Variants in NTRK3 observed in about 807,000 individuals in gnomAD.
NTRK3 encodes neurotrophic receptor tyrosine kinase 3.
In NTRK3, 24 loss-of-function variants were observed where a neutral mutation model predicts 91.7. That is an observed-to-expected ratio of 0.26 (90% CI 0.19 to 0.37). The LOEUF (loss-of-function observed/expected upper bound fraction) is 0.37. Among genes scored for constraint, NTRK3 ranks in the 10% least tolerant of loss-of-function variants. NTRK3 has a pLI of 1.00. For missense variants in NTRK3, 880 were observed against 1,068.9 expected (o/e 0.82, Z 2.46); for synonymous variants, 483 against 404.0 (o/e 1.20, Z -2.34).
chr15:87,939,528 C>T (rs2069610897), intron 15 of NTRK3, among the ~76,000 whole-genome samples: 1 of 152,152 alleles, frequency 6.6e-6, no homozygotes, highest in Admixed American at 6.6e-5. Context: ...CCTCTGTGGA[C>T]AGAAACAATC....
chr15:88,200,852 C>A (rs549617325), intron 3 of NTRK3, among the ~76,000 whole-genome samples: 69 of 152,310 alleles, frequency 4.5e-4, no homozygotes, highest in Non-Finnish European at 8.4e-4. Context: ...GGGTCTCTAT[C>A]ACAGGCTCTG....
At chr15:88,256,507 C>G in intron 1 of NTRK3, 21 bp from the exon 2 acceptor site, 4 of 473,368 alleles carry the variant, frequency 8.5e-6, no homozygotes, top group South Asian at 9.1e-5. Context: ...TTGCAACAGA[C>G]GGTGGGGAGG....
intron 13 of NTRK3, among the ~76,000 whole-genome samples, chr15:88,037,462 T>C (rs1474652603): frequency 6.6e-6 from 1 of 152,104 alleles, no homozygotes; most frequent in Non-Finnish European, 1.5e-5. Flanking sequence ...CTAGAGAGGC[T>C]GAGGCAGGAG....
chr15:88,010,098 T>C (rs987075312), intron 14 of NTRK3, among the ~76,000 whole-genome samples: 26 of 152,180 alleles, frequency 1.7e-4, no homozygotes, highest in Non-Finnish European at 3.4e-4. Context: ...CTGGCCTGTT[T>C]TGGCATGACC....
intron 14 of NTRK3, among the ~76,000 whole-genome samples, chr15:87,986,917 TGA>T (rs1276767795): frequency 1.3e-5 from 2 of 152,210 alleles, no homozygotes; most frequent in Admixed American, 6.5e-5. Flanking sequence ...CATAAACAAA[TGA>T]GAGTGTTCCA....
At chr15:87,928,074 G>C (rs966239324) in intron 17 of NTRK3, 1 of 152,232 alleles carries the variant, frequency 6.6e-6, no homozygotes, top group Non-Finnish European at 1.5e-5. Context: ...CCACCTCCCA[G>C]GTTCAAGAAA....
chr15:87,907,456 T>C lies in NTRK3; in HGVS notation c.2133+21735A>G, dbSNP rs150962726. On this transcript the variant is annotated intron_variant, in intron 17 of 18. Transcript: ENST00000394480. ...TGCTTAATTTACCTCCCTAACCAAA[T>C]TATGAGAGAAATGAATGAAACTGTA... Among the ~76,000 whole-genome samples the C allele has an allele frequency of 2.2e-4, 33 of 152,192 alleles. No homozygotes were observed. In the East Asian group the frequency reaches 3.5e-3, roughly 16 times the overall value.
intron 13 of NTRK3, among the ~76,000 whole-genome samples, chr15:88,108,679 C>T (rs988619236): frequency 6.6e-6 from 1 of 152,240 alleles, no homozygotes; most frequent in African/African-American, 2.4e-5. Context: ...CTATAACATT[C>T]CATGACACTT....
In NTRK3 at chr15:88,136,429, C is replaced by T. The variant is rs759075704; in HGVS notation, c.765+38G>A. On this transcript the variant is annotated intron_variant, in intron 8 of 18. Transcript: ENST00000394480. ...CTTCAAGACTACAGTGTGATCACTC[C>T]CTAGCCTCCTGATGGGGCTGAAGCC... The T allele has an allele frequency of 1.7e-5, 27 of 1,613,754 alleles. No individual in the cohort carries two copies. In the South Asian group the frequency reaches 2.9e-4, roughly 17 times the overall value.
intron 13 of NTRK3, among the ~76,000 whole-genome samples, chr15:88,057,649 G>C (rs951751631): frequency 2.0e-5 from 3 of 152,204 alleles, no homozygotes; most frequent in African/African-American, 4.8e-5. Context: ...TACAACCTCA[G>C]GGGAGCATCA....
chr15:87,979,266 C>A (rs568730959), intron 14 of NTRK3: 20 of 1,047,042 alleles, frequency 1.9e-5, no homozygotes, highest in Admixed American at 1.9e-4. Flanking sequence ...CCAAAGAGAA[C>A]AATGCCTAGA....
At chr15:88,125,214 C>T (rs954988029) in intron 13 of NTRK3, among the ~76,000 whole-genome samples, 5 of 152,194 alleles carry the variant, frequency 3.3e-5, no homozygotes, top group East Asian at 3.8e-4. Flanking sequence ...GAGAATATAG[C>T]GAAAGCTATG....
At chr15:87,886,041 G>A (rs2065518479) in intron 17 of NTRK3, among the ~76,000 whole-genome samples, 1 of 151,884 alleles carries the variant, frequency 6.6e-6, no homozygotes, top group Non-Finnish European at 1.5e-5. Flanking sequence ...AATGAATACA[G>A]GGTAAGAACA....
chr15:88,173,987 T>C (rs1390853020), intron 5 of NTRK3, among the ~76,000 whole-genome samples: 1 of 152,252 alleles, frequency 6.6e-6, no homozygotes, highest in East Asian at 1.9e-4. Flanking sequence ...ATAAAGTGCA[T>C]AGAGGAATGC....
chr15:88,226,310 C>T (rs1240554601), intron 3 of NTRK3, among the ~76,000 whole-genome samples: 2 of 152,216 alleles, frequency 1.3e-5, no homozygotes, highest in South Asian at 2.1e-4. Flanking sequence ...TCCTCCACCC[C>T]AGAGGTTGCA....
chr15:88,076,081 C>T (rs1402070981), intron 13 of NTRK3, among the ~76,000 whole-genome samples: 8 of 152,098 alleles, frequency 5.3e-5, no homozygotes. Context: ...TAAAGACATA[C>T]CTGAGACTGC....
chr15:87,967,036 G>A (rs1471143044), intron 14 of NTRK3, among the ~76,000 whole-genome samples: 1 of 152,172 alleles, frequency 6.6e-6, no homozygotes, highest in East Asian at 1.9e-4. Context: ...AACCAGTGCA[G>A]GAGACAATAA....
intron 13 of NTRK3, among the ~76,000 whole-genome samples, chr15:88,058,956 A>G (rs774644000): frequency 1.3e-5 from 2 of 152,134 alleles, no homozygotes; most frequent in East Asian, 1.9e-4. Flanking sequence ...AGAGATTTAG[A>G]TGTTCACCAT....
intron 3 of NTRK3, among the ~76,000 whole-genome samples, chr15:88,207,941 T>C (rs2048932614): frequency 6.6e-6 from 1 of 152,190 alleles, no homozygotes; most frequent in African/African-American, 2.4e-5. Flanking sequence ...GGTAACCTTG[T>C]GGATTCTGGG....
Sources: allele counts gnomAD v4.1 joint callset (sites outside exome capture counted in the v4.1 genomes callset), GRCh38; gene constraint gnomAD v4.1.1; transcripts MANE v1.5; gene names NCBI Gene and HGNC (gene_info 2026-07-23, HGNC 2026-07-21).